The following STON2 variants were observed in gnomAD, a reference collection of about 807,000 sequenced individuals.
The protein encoded by STON2 is stonin 2.
STON2 carries 29 observed loss-of-function variants against 65.7 expected under a neutral mutation model. The ratio of observed to expected loss-of-function variants is 0.44; its 90% confidence interval spans 0.33 to 0.60. STON2 has a LOEUF of 0.60. Among genes scored for constraint, STON2 ranks in the 20% least tolerant of loss-of-function variants. STON2 has a pLI of 0.03. For missense variants in STON2, 1,054 were observed against 1,118.1 expected (o/e 0.94, Z 0.82); for synonymous variants, 404 against 414.2 (o/e 0.98, Z 0.30).
chr14:81,265,430 T>G lies in STON2; in HGVS notation c.*2984A>C. The G allele has an allele frequency of 1.2e-6, 1 of 809,280 alleles. No individual in the cohort carries two copies. The highest frequency in any genetic ancestry group is 1.5e-6 in the Non-Finnish European group (1 of 669,510). The allele number at this position is 809,280 out of a possible 1,614,324, so 50.1% of individuals were successfully genotyped here. On this transcript the variant is annotated 3_prime_UTR_variant, in exon 8 of 8. Coordinates refer to ENST00000614646, the MANE Select transcript of STON2 (RefSeq NM_001394390.1). ...AGAGCTTTGGGAGACTGAGGCAGGC[T>G]TATCACCTGAGGTCAGACATTCGAG...
intron 2 of STON2, among the ~76,000 whole-genome samples, chr14:81,418,944 T>C (rs950227429): frequency 4.6e-5 from 7 of 152,086 alleles, no homozygotes; most frequent in Non-Finnish European, 8.8e-5. Context: ...CCACCCTTTT[T>C]AGCAAGATTA....
intron 4 of STON2, among the ~76,000 whole-genome samples, chr14:81,348,814 A>G (rs1004443758): frequency 5.3e-5 from 8 of 152,212 alleles, no homozygotes; most frequent in Non-Finnish European, 1.0e-4. Flanking sequence ...AAAAAGAACC[A>G]TCTGAAGGTA....
At chr14:81,330,136 T>C (rs1011576309) in intron 4 of STON2, among the ~76,000 whole-genome samples, 6 of 152,246 alleles carry the variant, frequency 3.9e-5, no homozygotes, top group African/African-American at 1.4e-4. Flanking sequence ...TGACGTGGGA[T>C]GCTCCTTAGC....
intron 2 of STON2, among the ~76,000 whole-genome samples, chr14:81,397,331 T>A (rs967606179): frequency 1.3e-5 from 2 of 152,050 alleles, no homozygotes; most frequent in African/African-American, 4.8e-5. Context: ...ATGAAAAAAA[T>A]TAAACACAAC....
Position 81,262,534 on chromosome 14 carries a change from C to T in STON2, c.*5880G>A. Reference sequence around the variant, plus strand: ...GGCTTGGTACCCAATGCTGATTTGTCATCTCTCTAGATTTTACTTTTTCAT... The same window carrying T: ...GGCTTGGTACCCAATGCTGATTTGTTATCTCTCTAGATTTTACTTTTTCAT... On this transcript the variant is annotated 3_prime_UTR_variant, in exon 8 of 8. Transcript: ENST00000614646. 1.0e-6 allele frequency: 1 copy of T among 985,352 alleles called. No homozygotes were observed. 61.0% of individuals were successfully genotyped at this position (985,352 alleles called of 1,614,324 possible). A position where few individuals can be genotyped will look rare whatever the true frequency, so the allele number is the denominator to read the frequency against.
chr14:81,272,873 GA>G (rs1894656114), intron 6 of STON2, among the ~76,000 whole-genome samples: 1 of 152,074 alleles, frequency 6.6e-6, no homozygotes, highest in African/African-American at 2.4e-5. Flanking sequence ...TTTTATAGAT[GA>G]AAAAAATTAG....
At chr14:81,392,197 A>G (rs1900110141) in intron 3 of STON2, among the ~76,000 whole-genome samples, 1 of 152,198 alleles carries the variant, frequency 6.6e-6, no homozygotes, top group Admixed American at 6.5e-5. Flanking sequence ...TATTAGAACC[A>G]GTGAGACAGC....
Position 81,276,920 on chromosome 14 carries a change from T to A in STON2, c.2562A>T (p.Arg854=), listed in dbSNP as rs762772573. The change falls in exon 6 of 8, where the codon CGA becomes CGT. Residue 854 remains arginine (R), a synonymous_variant. Transcript: ENST00000614646. ...ACCCACCTGAGTTTTTGTCCGGCAG[T>A]CGGTTTATCCTCCACACAATGGAGT... ...AFNSIVWRIN[R]LPDKNSASGH... is the part of the protein sequence containing the mutation. The A allele has an allele frequency of 1.2e-6, 2 of 1,607,896 alleles. No homozygotes were observed. Among genetic ancestry groups the A allele is most frequent in the African/African-American group, 2.7e-5 (2 of 74,800 alleles).
At chr14:81,360,600 CCT>C (rs1419577341) in intron 4 of STON2, among the ~76,000 whole-genome samples, 3 of 152,070 alleles carry the variant, frequency 2.0e-5, no homozygotes, top group African/African-American at 7.2e-5. Flanking sequence ...AACTCTTTTC[CCT>C]GAGTCCTAGA....
At chr14:81,419,050 TA>T (rs5810030) in intron 2 of STON2, among the ~76,000 whole-genome samples, 30 of 147,618 alleles carry the variant, frequency 2.0e-4, no homozygotes, top group East Asian at 3.9e-4. Context: ...CTCTACAAAT[TA>T]AAAAAAAAAA....
Position 81,414,863 on chromosome 14 carries a change from G to GA in STON2, c.-199+12238dup, listed in dbSNP as rs527719787. ...ATAATTAGATTATTACTTCATTTAA[G>GA]AATGTGAGTGAGAATGCTTGGTGGC... On this transcript the variant is annotated intron_variant, in intron 2 of 8. Coordinates refer to the STON2 transcript ENST00000553821. 2.6e-3 allele frequency among the ~76,000 whole-genome samples: 397 copies of GA among 152,234 alleles called. 2 individuals are homozygous for GA. The highest frequency in any genetic ancestry group is 9.1e-3 in the African/African-American group (376 of 41,530).
chr14:81,402,501 A>G (rs1566945176), upstream of STON2, among the ~76,000 whole-genome samples: 2 of 152,110 alleles, frequency 1.3e-5, no homozygotes, highest in Non-Finnish European at 2.9e-5. Context: ...TGAGAGCTTG[A>G]GCTATAGGTG....
rs112040653 is a variant in STON2, at chr14:81,308,601, C to T, written c.742+15416G>A. On this transcript the variant is annotated intron_variant, in intron 5 of 7. Coordinates refer to ENST00000614646, the MANE Select transcript of STON2 (RefSeq NM_001394390.1). ...ATTTATTCAAGGGTATCCCTCTTGG[C>T]GTCTAATAAGGCCTGGCCACTCATG... Among the ~76,000 whole-genome samples the T allele has an allele frequency of 7.3e-5, 11 of 151,700 alleles. 1 individual carries two copies. Among genetic ancestry groups the T allele is most frequent in the African/African-American group, 2.2e-4 (9 of 41,366 alleles).
chr14:81,297,714 T>C (rs889613384), intron 5 of STON2, among the ~76,000 whole-genome samples: 1 of 152,240 alleles, frequency 6.6e-6, no homozygotes, highest in Admixed American at 6.5e-5. Context: ...TATAAAACTT[T>C]CTAACTTTAA....
rs553924137 is a variant in STON2 at position 81,287,498 on chromosome 14, A to G, written c.743-8759T>C. 2.6e-5 allele frequency among the ~76,000 whole-genome samples: 4 copies of G among 152,322 alleles called. No individual in the cohort carries two copies. The East Asian group carries it at 7.7e-4, about 29-fold the overall frequency. On this transcript the variant is annotated intron_variant, in intron 5 of 7. Transcript: ENST00000614646. ...TCATTTTTACTTACTAAGGTGACCT[A>G]TGAAGCAGTACTGCGCACCTTCTTC...
chr14:81,414,377 T>C (rs1012860379), intron 2 of STON2, among the ~76,000 whole-genome samples: 1 of 152,052 alleles, frequency 6.6e-6, no homozygotes, highest in Non-Finnish European at 1.5e-5. Flanking sequence ...TGGCCAGTGC[T>C]CTCACACGCC....
At chr14:81,408,157 A>ACACACACGTG (rs147841517) in intron 2 of STON2, among the ~76,000 whole-genome samples, 1 of 150,410 alleles carries the variant, frequency 6.6e-6, no homozygotes, top group East Asian at 2.0e-4. Flanking sequence ...ACACACACAC[A>ACACACACGTG]CGCGCACACA....
At chr14:81,326,953 G>A (rs2140255562) in intron 4 of STON2, among the ~76,000 whole-genome samples, 1 of 152,148 alleles carries the variant, frequency 6.6e-6, no homozygotes, top group South Asian at 2.1e-4. Context: ...CCCACCCATT[G>A]TCCTAAGTAA....
chr14:81,330,337 C>A (rs371516992), intron 4 of STON2, among the ~76,000 whole-genome samples: 16 of 152,158 alleles, frequency 1.1e-4, no homozygotes, highest in African/African-American at 3.6e-4. Flanking sequence ...CACAAGCCCT[C>A]CCTTTGTGTG....
Sources: allele counts gnomAD v4.1 joint callset (sites outside exome capture counted in the v4.1 genomes callset), GRCh38; gene constraint gnomAD v4.1.1; transcripts MANE v1.5; gene names NCBI Gene and HGNC (gene_info 2026-07-23, HGNC 2026-07-21).